Variants in NETO1 observed in about 807,000 individuals in gnomAD.
NETO1 encodes the protein neuropilin and tolloid like 1.
NETO1 carries 26 observed loss-of-function variants against 61.3 expected under a neutral mutation model. The observed-to-expected ratio is 0.42, with a 90% CI of 0.31 to 0.59. The LOEUF (loss-of-function observed/expected upper bound fraction) is 0.59. Among genes scored for constraint, NETO1 ranks in the 20% least tolerant of loss-of-function variants. The probability of loss-of-function intolerance (pLI) is 0.12; values close to 1 mark genes in which losing one functional copy is unlikely to be tolerated. For missense variants in NETO1, 531 were observed against 662.8 expected, an observed-to-expected ratio of 0.80 and a Z score of 2.18; for synonymous variants, 225 against 225.8, an observed-to-expected ratio of 1.00 and a Z score of 0.03.
intron 4 of NETO1, among the ~76,000 whole-genome samples, chr18:72,801,555 T>C (rs1298373183): frequency 6.6e-6 from 1 of 152,178 alleles, no homozygotes; most frequent in East Asian, 1.9e-4. Context: ...ATTAGCTTAG[T>C]TTGTTCTCCG....
intron 4 of NETO1, among the ~76,000 whole-genome samples, chr18:72,827,545 T>C (rs2073421579): frequency 6.6e-6 from 1 of 151,950 alleles, no homozygotes; most frequent in Non-Finnish European, 1.5e-5. Flanking sequence ...CAAAACCTCC[T>C]CTCTACTAAA....
At chr18:72,807,462 A>G (rs1280641609) in intron 4 of NETO1, among the ~76,000 whole-genome samples, 1 of 152,112 alleles carries the variant, frequency 6.6e-6, no homozygotes, top group Non-Finnish European at 1.5e-5. Flanking sequence ...TGGTGCGTGT[A>G]TTCACATTTT....
At chr18:72,814,745 A>C (rs1337439566) in intron 4 of NETO1, among the ~76,000 whole-genome samples, 1 of 152,014 alleles carries the variant, frequency 6.6e-6, no homozygotes. Context: ...TCAGGGAAAA[A>C]AGCATTACTA....
intron 6 of NETO1, among the ~76,000 whole-genome samples, chr18:72,785,801 A>G (rs1356881236): frequency 6.6e-6 from 1 of 152,166 alleles, no homozygotes; most frequent in Non-Finnish European, 1.5e-5. Flanking sequence ...TTAGCTTCAC[A>G]TTCTCCATCT....
rs2070446895 is a variant in NETO1, at chr18:72,747,051, A to G, written c.*1128T>C. 6.6e-6 allele frequency: 1 copy of G among 152,006 alleles called. No individual in the cohort carries two copies. The highest frequency in any genetic ancestry group is 1.5e-5 in the Non-Finnish European group (1 of 67,916). 9.4% of individuals were successfully genotyped at this position (152,006 alleles called of 1,614,324 possible). On this transcript the variant is annotated 3_prime_UTR_variant, in exon 11 of 11. Coordinates refer to ENST00000327305, the MANE Select transcript of NETO1 (RefSeq NM_138966.5). The stretch of plus-strand genomic sequence containing the variant: ...TTTTAAAAAGAGTTCCCTATTCTAA[A>G]AGAAGAAAATATTCCCCTAAACTTT...
At chr18:72,828,540 C>G (rs1044568167) in intron 4 of NETO1, among the ~76,000 whole-genome samples, 1 of 152,102 alleles carries the variant, frequency 6.6e-6, no homozygotes, top group African/African-American at 2.4e-5. Context: ...TAAAATTTTT[C>G]AAACTATAAT....
At position 72,830,400 on chromosome 18, in the gene NETO1, T is replaced by C. The variant is rs1292843371; in HGVS notation, c.469+28426A>G. On this transcript the variant is annotated intron_variant, in intron 4 of 10. Transcript: ENST00000327305. The surrounding 1 kb of genome is among the most constrained non-coding windows in gnomAD (Gnocchi z 4.9). ...CTTCAGAGACATCAGTAGCGCCACA[T>C]GTGTTTTCAGAAAAATTTTGTGAGA... Among the ~76,000 whole-genome samples, 1 of 152,166 alleles carries C rather than the reference T, an allele frequency of 6.6e-6. No homozygotes were observed. Among genetic ancestry groups the C allele is most frequent in the Non-Finnish European group, 1.5e-5 (1 of 68,030 alleles).
chr18:72,775,582 G>A (rs1367624847), intron 7 of NETO1, among the ~76,000 whole-genome samples: 1 of 152,176 alleles, frequency 6.6e-6, no homozygotes, highest in Non-Finnish European at 1.5e-5. Context: ...CAGTGGATAG[G>A]ACAGAAGAAT....
At chr18:72,858,752 T>C (rs1568270551) in intron 4 of NETO1, 74 bp downstream of exon 4, 1 of 1,381,974 alleles carries the variant, frequency 7.2e-7, no homozygotes, top group Non-Finnish European at 9.8e-7. Context: ...AATGTTGTCT[T>C]ACACAAGATT....
intron 4 of NETO1, among the ~76,000 whole-genome samples, chr18:72,806,310 C>T (rs958465010): frequency 6.6e-6 from 1 of 152,114 alleles, no homozygotes; most frequent in African/African-American, 2.4e-5. Context: ...TCATTAACAT[C>T]AACAAAGACT....
At chr18:72,832,605 G>T (rs1161273598) in intron 4 of NETO1, among the ~76,000 whole-genome samples, 1 of 152,164 alleles carries the variant, frequency 6.6e-6, no homozygotes, top group Non-Finnish European at 1.5e-5. Flanking sequence ...GGTAGTTGAT[G>T]TGTCTAAGTC....
downstream of NETO1, among the ~76,000 whole-genome samples, chr18:72,742,944 G>A (rs543868789): frequency 2.6e-5 from 4 of 152,230 alleles, no homozygotes; most frequent in Non-Finnish European, 5.9e-5. Context: ...AAAAAAGCCA[G>A]ACAAATATTC....
At chr18:72,835,401 G>C (rs1320054466) in intron 4 of NETO1, 1 of 1,211,428 alleles carries the variant, frequency 8.3e-7, no homozygotes, top group Admixed American at 1.8e-5. Flanking sequence ...CACTTTAACA[G>C]CTGTTTGGGT....
At chr18:72,782,505 T>C (rs769961675) in intron 7 of NETO1, among the ~76,000 whole-genome samples, 72 of 152,300 alleles carry the variant, frequency 4.7e-4, no homozygotes, top group Non-Finnish European at 8.8e-4. Context: ...GTTTGACTTT[T>C]AATAACAGCT....
intron 6 of NETO1, among the ~76,000 whole-genome samples, chr18:72,788,637 T>C (rs904444188): frequency 4.6e-5 from 7 of 152,092 alleles, no homozygotes; most frequent in Non-Finnish European, 8.8e-5. Context: ...CAGTGAATCA[T>C]TTTGATGCAT....
At chr18:72,811,272 C>T (rs763877751) in intron 4 of NETO1, among the ~76,000 whole-genome samples, 1 of 152,182 alleles carries the variant, frequency 6.6e-6, no homozygotes, top group African/African-American at 2.4e-5. Flanking sequence ...AAACCCATGA[C>T]TCATCTCTGC....
chr18:72,810,033 A>C (rs1468733234), intron 4 of NETO1, among the ~76,000 whole-genome samples: 1 of 152,250 alleles, frequency 6.6e-6, no homozygotes, highest in Non-Finnish European at 1.5e-5. Flanking sequence ...TAAAAAAATA[A>C]AACATTGTGT....
At chr18:72,808,372 G>T (rs1377009307) in intron 4 of NETO1, among the ~76,000 whole-genome samples, 1 of 150,722 alleles carries the variant, frequency 6.6e-6, no homozygotes, top group East Asian at 2.0e-4. Context: ...GGAGGAAAAT[G>T]CTGTCTCTGC....
intron 4 of NETO1, among the ~76,000 whole-genome samples, chr18:72,845,994 A>T (rs963541185): frequency 6.6e-6 from 1 of 152,154 alleles, no homozygotes; most frequent in African/African-American, 2.4e-5. Flanking sequence ...AGGAAACTAA[A>T]TACCCTGTCT....
Sources: allele counts gnomAD v4.1 joint callset (sites outside exome capture counted in the v4.1 genomes callset), GRCh38; gene constraint gnomAD v4.1.1; non-coding constraint Gnocchi (gnomAD v3.1); transcripts MANE v1.5; gene names NCBI Gene and HGNC (gene_info 2026-07-23, HGNC 2026-07-21).